Variants in LAMA2 observed in about 807,000 individuals in gnomAD.
The protein encoded by LAMA2 is laminin subunit alpha-2.
A neutral mutation model predicts 364.8 loss-of-function variants in LAMA2; 269 were observed. The observed-to-expected ratio is 0.74, with a 90% CI of 0.67 to 0.82. The LOEUF (loss-of-function observed/expected upper bound fraction) is 0.82, where lower values mean the gene tolerates loss of function less well. Among genes scored for constraint, LAMA2 ranks in the 40% least tolerant of loss-of-function variants. LAMA2 has a pLI of 0.00. For missense variants in LAMA2, 3,807 were observed against 3,873.2 expected, an observed-to-expected ratio of 0.98 and a Z score of 0.45; for synonymous variants, 1,379 against 1,370.6, an observed-to-expected ratio of 1.01 and a Z score of -0.14.
chr6:129,458,844 A>G (rs1783102022), intron 48 of LAMA2, among the ~76,000 whole-genome samples: 1 of 152,052 alleles, frequency 6.6e-6, no homozygotes, highest in South Asian at 2.1e-4. Context: ...CTATTCAGTA[A>G]CTGATTTTAC....
rs1236313304 is a variant in LAMA2, at chr6:128,978,349, CT to C, written c.113-71551del. Among the ~76,000 whole-genome samples the C allele has an allele frequency of 3.4e-3, 498 of 147,762 alleles. 1 individual carries two copies. Among genetic ancestry groups the C allele is most frequent in the Admixed American group, 3.8e-3 (57 of 15,028 alleles). Reference sequence around the variant, plus strand: ...CAAAAGTACCTGCCCTTCTTTCTTTCTTTTTTTTTTTTTTTTTTGAGAGCAT... The same window carrying C: ...CAAAAGTACCTGCCCTTCTTTCTTTCTTTTTTTTTTTTTTTTTGAGAGCAT... On this transcript the variant is annotated intron_variant, in intron 1 of 64. Coordinates refer to ENST00000421865, the MANE Select transcript of LAMA2 (RefSeq NM_000426.4).
intron 3 of LAMA2, among the ~76,000 whole-genome samples, chr6:129,069,527 A>G (rs1258094962): frequency 3.4e-5 from 5 of 149,192 alleles, no homozygotes; most frequent in Non-Finnish European, 7.4e-5. Flanking sequence ...TGAAACTGTG[A>G]CTAAAAACCC....
chr6:128,957,836 A>ATTTTTTTTTTTTTTTTTT (rs10652900), intron 1 of LAMA2, among the ~76,000 whole-genome samples: 20 of 51,266 alleles, frequency 3.9e-4, no homozygotes, highest in Non-Finnish European at 5.1e-4. Context: ...TACTTCATGC[A>ATTTTTTTTTTTTTTTTTT]TTTTTTTTTT....
chr6:129,149,049 A>T lies in LAMA2; in HGVS notation c.980A>T (p.Gln327Leu). Residue 327 changes from glutamine (Q) to leucine (L), a missense_variant, in exon 7 of 65, where the codon CAG becomes CTG. Gln to Leu is a moderately radical substitution (Grantham distance 113, BLOSUM62 -2). Transcript: ENST00000421865. ...GATCAGTGCTGTCCAGGATTCCATC[A>T]GAAACCCTGGAGAGCTGGAACTTTT... ...SCDQCCPGFH[Q>L]KPWRAGTFLT... is the part of the protein sequence containing the mutation. 6.2e-7 allele frequency: 1 copy of T among 1,613,278 alleles called. No individual in the cohort carries two copies. The highest frequency in any genetic ancestry group is 8.5e-7 in the Non-Finnish European group (1 of 1,179,280).
intron 7 of LAMA2, among the ~76,000 whole-genome samples, chr6:129,151,991 A>G (rs1249388442): frequency 6.6e-6 from 1 of 152,212 alleles, no homozygotes; most frequent in Non-Finnish European, 1.5e-5. Flanking sequence ...CTCTCCATTA[A>G]CATAGCAAAA....
At chr6:129,441,963 G>A (rs763940950) in intron 43 of LAMA2, among the ~76,000 whole-genome samples, 5 of 151,828 alleles carry the variant, frequency 3.3e-5, no homozygotes, top group Non-Finnish European at 5.9e-5. Flanking sequence ...AGCCTGGGTG[G>A]CAGATTGAGA....
chr6:129,465,747 G>T (rs2114810907), intron 51 of LAMA2, among the ~76,000 whole-genome samples: 1 of 152,038 alleles, frequency 6.6e-6, no homozygotes, highest in Non-Finnish European at 1.5e-5. Flanking sequence ...AACATGACAT[G>T]TTTATGATTC....
At chr6:128,944,165 C>T (rs546610424) in intron 1 of LAMA2, among the ~76,000 whole-genome samples, 5 of 152,202 alleles carry the variant, frequency 3.3e-5, no homozygotes, top group African/African-American at 1.2e-4. Context: ...CATGGTTTCT[C>T]AAAGAATAGT....
At position 128,895,468 on chromosome 6, in the gene LAMA2, TAAAAAAAA is replaced by T. The variant is rs34458994; in HGVS notation, c.112+12127_112+12134del. Among the ~76,000 whole-genome samples the T allele has an allele frequency of 1.5e-4, 10 of 65,844 alleles. No homozygotes were observed. In the South Asian group the frequency reaches 4.4e-3, roughly 29 times the overall value. The allele number at this position is 65,844 out of a possible 152,430, so 43.2% of individuals were successfully genotyped here. The stretch of plus-strand genomic sequence containing the variant: ...TAACATGGTGAAACCCTGTCTCTAC[TAAAAAAAA>T]AAAAAAAAAAAAAAAGCAAAAATTA... On this transcript the variant is annotated intron_variant, in intron 1 of 64. Transcript: ENST00000421865.
Position 129,315,948 on chromosome 6 carries a change from G to A in LAMA2, c.3922G>A (p.Glu1308Lys). The A allele has an allele frequency of 6.2e-7, 1 of 1,614,042 alleles. No individual in the cohort carries two copies. The highest frequency in any genetic ancestry group is 8.5e-7 in the Non-Finnish European group (1 of 1,179,984). The change falls in exon 26 of 65, where the codon GAG becomes AAG. Residue 1308 changes from glutamate to lysine, a missense_variant and splice_region_variant. Physicochemically the swap from Glu to Lys is moderately conservative, Grantham distance 56. Transcript: ENST00000421865. ...GACAAGGCATGAAATTGAAATGACAGAGGTAAAGTTAGTCATTGTTTGGTG... is the reference window on the plus strand; with the variant it reads ...GACAAGGCATGAAATTGAAATGACAAAGGTAAAGTTAGTCATTGTTTGGTG... ...QLTRHEIEMT[E>K]KEWKYYGDDP...
chr6:129,056,270 C>T (rs1221165382), intron 2 of LAMA2, among the ~76,000 whole-genome samples: 1 of 152,196 alleles, frequency 6.6e-6, no homozygotes, highest in African/African-American at 2.4e-5. Context: ...TTTCAGCACC[C>T]TCTTATTTCA....
rs66522065 is a variant in LAMA2, at chr6:129,371,247, A to ATGTG, written c.4959+1287_4959+1290dup. Among the ~76,000 whole-genome samples the ATGTG allele has an allele frequency of 1.9e-3, 279 of 148,380 alleles. 1 individual carries two copies. The highest frequency in any genetic ancestry group is 5.9e-3 in the African/African-American group (237 of 40,198). ...CAATCTGTCTTCAAAGAACTTTGAG[A>ATGTG]TGTGTGTGTGTGTGTGTGTGTGTGT... On this transcript the variant is annotated intron_variant, in intron 34 of 64. Coordinates refer to ENST00000421865, the MANE Select transcript of LAMA2 (RefSeq NM_000426.4).
At chr6:129,340,830 C>CAAAAAAAAAAAAA (rs34264921) in intron 29 of LAMA2, among the ~76,000 whole-genome samples, 3 of 59,546 alleles carry the variant, frequency 5.0e-5, no homozygotes, top group Non-Finnish European at 1.1e-4. Flanking sequence ...AGCTCTGTCT[C>CAAAAAAAAAAAAA]AAAAAAAAAA....
intron 10 of LAMA2, among the ~76,000 whole-genome samples, chr6:129,179,764 A>G (rs1432163175): frequency 1.3e-5 from 2 of 152,214 alleles, no homozygotes; most frequent in Non-Finnish European, 2.9e-5. Context: ...GTAAGTTCTT[A>G]TAAACTAAAT....
chr6:128,891,846 C>T (rs1776472132), intron 1 of LAMA2, among the ~76,000 whole-genome samples: 1 of 152,018 alleles, frequency 6.6e-6, no homozygotes, highest in South Asian at 2.1e-4. Flanking sequence ...ATACGTACCT[C>T]TTTATACCTT....
intron 4 of LAMA2, among the ~76,000 whole-genome samples, chr6:129,112,344 C>A (rs556669699): frequency 6.6e-6 from 1 of 152,062 alleles, no homozygotes; most frequent in Admixed American, 6.6e-5. Flanking sequence ...CAATTTGTTA[C>A]ATTGTATCCA....
In LAMA2 at chr6:129,393,307, G is replaced by A. The variant is rs769202668; in HGVS notation, c.5445+52G>A. The A allele has an allele frequency of 3.0e-5, 41 of 1,360,688 alleles. 1 individual carries two copies. Among genetic ancestry groups the A allele is most frequent in the East Asian group, 2.3e-5 (1 of 43,328 alleles). The allele number at this position is 1,360,688 out of a possible 1,614,324, so 84.3% of individuals were successfully genotyped here. ...AATCTCAGAAGGTTGGGGACTGCGG[G>A]GGCAGTGTTGAACATGGCTGGACTA... On this transcript the variant is annotated intron_variant, in intron 37 of 64. Transcript: ENST00000421865.
At chr6:128,970,882 A>C (rs1782148598) in intron 1 of LAMA2, among the ~76,000 whole-genome samples, 1 of 152,190 alleles carries the variant, frequency 6.6e-6, no homozygotes, top group African/African-American at 2.4e-5. Flanking sequence ...GTCTCTAGTG[A>C]GAGGTACTAG....
At chr6:129,285,317 G>A (rs112471496) in intron 18 of LAMA2, among the ~76,000 whole-genome samples, 5 of 152,120 alleles carry the variant, frequency 3.3e-5, no homozygotes, top group African/African-American at 1.2e-4. Flanking sequence ...CAGTAACATG[G>A]CATATGAATT....
Sources: gnomAD v4.1 joint callset for allele counts (sites outside exome capture counted in the v4.1 genomes callset) on GRCh38, gnomAD v4.1.1 for gene constraint, MANE v1.5 for transcripts, NCBI Gene and HGNC (gene_info 2026-07-23, HGNC 2026-07-21) for gene names.